The following LRRC4C variants were observed in gnomAD, a reference collection of about 807,000 sequenced individuals.
LRRC4C encodes leucine-rich repeat-containing protein 4C.
In LRRC4C, 5 loss-of-function variants were observed where a neutral mutation model predicts 33.6. That is an observed-to-expected ratio of 0.15 (90% CI 0.08 to 0.31). The LOEUF (loss-of-function observed/expected upper bound fraction) is 0.31, where lower values mean the gene tolerates loss of function less well. Ranked by LOEUF, LRRC4C falls within the 10% of genes least tolerant of loss-of-function variation. The probability of loss-of-function intolerance (pLI) is 1.00; values close to 1 mark genes in which losing one functional copy is unlikely to be tolerated. For missense variants in LRRC4C, 560 were observed against 796.7 expected (o/e 0.70, Z 3.58); for synonymous variants, 329 against 302.0 (o/e 1.09, Z -0.93).
intron 3 of LRRC4C, among the ~76,000 whole-genome samples, chr11:40,542,048 TTC>T (rs150598380): frequency 0.1 from 13,927 of 136,930 alleles, 775 homozygotes; most frequent in Middle Eastern, 0.16. Flanking sequence ...TTCTTTCTCT[TTC>T]TCTCTTTCTT....
intron 3 of LRRC4C, among the ~76,000 whole-genome samples, chr11:40,558,594 C>T (rs541076684): frequency 1.3e-5 from 2 of 152,308 alleles, no homozygotes; most frequent in East Asian, 3.9e-4. Context: ...GTCATTACCA[C>T]ATCACTCCTG....
intron 1 of LRRC4C, among the ~76,000 whole-genome samples, chr11:41,405,864 A>G (rs1274001861): frequency 6.6e-6 from 1 of 152,140 alleles, no homozygotes; most frequent in African/African-American, 2.4e-5. Flanking sequence ...TAAAAAATGT[A>G]TCTTTTTGTC....
chr11:40,705,541 C>CTTTTTTTTTTTTTTT (rs1175946879), intron 2 of LRRC4C, among the ~76,000 whole-genome samples: 1 of 150,380 alleles, frequency 6.6e-6, no homozygotes, highest in Non-Finnish European at 1.5e-5. Context: ...TGAACTCATT[C>CTTTTTTTTTTTTTTT]TTTTTTATGC....
At chr11:40,609,719 AACT>A (rs1460211586) in intron 3 of LRRC4C, among the ~76,000 whole-genome samples, 18 of 151,904 alleles carry the variant, frequency 1.2e-4, no homozygotes, top group Admixed American at 1.2e-3. Context: ...GACACATTAC[AACT>A]GACATCACAG....
intron 2 of LRRC4C, among the ~76,000 whole-genome samples, chr11:40,705,370 C>T (rs185249433): frequency 1.3e-5 from 2 of 151,802 alleles, no homozygotes; most frequent in Admixed American, 6.6e-5. Flanking sequence ...CCTCAAGCCA[C>T]GACAGGGCCG....
At chr11:40,958,177 A>C (rs2136825647) in intron 1 of LRRC4C, among the ~76,000 whole-genome samples, 1 of 151,830 alleles carries the variant, frequency 6.6e-6, no homozygotes, top group Non-Finnish European at 1.5e-5. Context: ...ACTGGGAGAA[A>C]TAACTATCTG....
chr11:40,251,323 G>A (rs1293602184), intron 4 of LRRC4C, among the ~76,000 whole-genome samples: 2 of 152,114 alleles, frequency 1.3e-5, no homozygotes, highest in Admixed American at 1.3e-4. Context: ...AATATATTGT[G>A]TGATGTTATT....
intron 3 of LRRC4C, among the ~76,000 whole-genome samples, chr11:40,434,524 G>A (rs1449670240): frequency 1.3e-5 from 2 of 152,140 alleles, no homozygotes; most frequent in Admixed American, 6.6e-5. Context: ...ACAGTCTTTC[G>A]GGAAGACTAA....
chr11:41,134,865 A>G (rs1943185628), intron 1 of LRRC4C, among the ~76,000 whole-genome samples: 1 of 152,196 alleles, frequency 6.6e-6, no homozygotes, highest in Admixed American at 6.5e-5. Context: ...GTAAAAAGAA[A>G]GATCCCCCAC....
At chr11:40,417,512 T>TG (rs1372694740) in intron 3 of LRRC4C, among the ~76,000 whole-genome samples, 1 of 151,776 alleles carries the variant, frequency 6.6e-6, no homozygotes, top group Non-Finnish European at 1.5e-5. Flanking sequence ...TTTATTTTTT[T>TG]TTTGTTTTTA....
intron 1 of LRRC4C, among the ~76,000 whole-genome samples, chr11:40,986,831 A>T (rs1853047421): frequency 6.6e-6 from 1 of 152,196 alleles, no homozygotes; most frequent in Non-Finnish European, 1.5e-5. Flanking sequence ...ATGTGGAAAT[A>T]TTTAATATTT....
At chr11:41,448,738 T>C (rs1955922615) in intron 1 of LRRC4C, among the ~76,000 whole-genome samples, 2 of 152,242 alleles carry the variant, frequency 1.3e-5, no homozygotes, top group South Asian at 4.1e-4. Context: ...TATTTCTAAA[T>C]ATAGATATTT....
chr11:41,374,786 A>C (rs1216865084), intron 1 of LRRC4C, among the ~76,000 whole-genome samples: 1 of 152,044 alleles, frequency 6.6e-6, no homozygotes. Context: ...TTTTTTCTTG[A>C]GGGTTGTATG....
chr11:40,805,743 A>G (rs1328475991), intron 2 of LRRC4C, among the ~76,000 whole-genome samples: 1 of 152,214 alleles, frequency 6.6e-6, no homozygotes, highest in Non-Finnish European at 1.5e-5. Context: ...TCTAGTTCTC[A>G]GGCAAGCAGT....
intron 3 of LRRC4C, among the ~76,000 whole-genome samples, chr11:40,459,627 C>T (rs774175923): frequency 3.3e-5 from 5 of 152,170 alleles, no homozygotes; most frequent in Admixed American, 6.5e-5. Flanking sequence ...GAAAAGCTGC[C>T]TCTCTCCATT....
chr11:40,883,379 G>C (rs2136041778), intron 2 of LRRC4C, among the ~76,000 whole-genome samples: 1 of 152,024 alleles, frequency 6.6e-6, no homozygotes, highest in African/African-American at 2.4e-5. Context: ...ACTGGTCAGA[G>C]TCATACTGAG....
chr11:41,421,885 T>C (rs1475100577), intron 1 of LRRC4C, among the ~76,000 whole-genome samples: 2 of 152,012 alleles, frequency 1.3e-5, no homozygotes, highest in Non-Finnish European at 2.9e-5. Context: ...AGTTCGAGGG[T>C]GTAGGACAGA....
At chr11:41,286,228 ACT>A (rs1949823956) in intron 1 of LRRC4C, among the ~76,000 whole-genome samples, 2 of 151,674 alleles carry the variant, frequency 1.3e-5, no homozygotes, top group South Asian at 2.1e-4. Context: ...TTCTCACTTC[ACT>A]CTCTCTCTTT....
chr11:40,863,458 C>A (rs1204175933), intron 2 of LRRC4C, among the ~76,000 whole-genome samples: 5 of 152,196 alleles, frequency 3.3e-5, no homozygotes, highest in African/African-American at 1.2e-4. Context: ...CTCATGATAT[C>A]ATGGGCCACC....
Sources: allele counts gnomAD v4.1 joint callset (sites outside exome capture counted in the v4.1 genomes callset), GRCh38; gene constraint gnomAD v4.1.1; transcripts MANE v1.5; gene names NCBI Gene and HGNC (gene_info 2026-07-23, HGNC 2026-07-21).